Variants in TRIM37 observed in about 807,000 individuals in gnomAD.
TRIM37 encodes E3 ubiquitin-protein ligase TRIM37.
Under a neutral mutation model 129.8 loss-of-function variants are expected in TRIM37, and 80 were observed. That is an observed-to-expected ratio of 0.62 (90% CI 0.51 to 0.74). The LOEUF is 0.74. Among genes scored for constraint, TRIM37 ranks in the 30% least tolerant of loss-of-function variants. TRIM37 has a pLI of 0.00. For missense variants in TRIM37, 1,054 were observed against 1,176.5 expected (o/e 0.90, Z 1.52); for synonymous variants, 389 against 387.1 (o/e 1.00, Z -0.06).
rs566268292 is a variant in TRIM37, at chr17:59,082,317, C to A, written c.370-1098G>T. ...TAATAATAATAATTCTCCATCTTCC[C>A]TCTCCCATCTTGGTTTGTCTTAATC... is the stretch of plus-strand genomic sequence containing the variant. On this transcript the variant is annotated intron_variant, in intron 5 of 23. Transcript: ENST00000262294. 3.9e-5 allele frequency among the ~76,000 whole-genome samples: 6 copies of A among 152,182 alleles called. No homozygotes were observed. The South Asian group carries it at 1.2e-3, about 32-fold the overall frequency.
intron 22 of TRIM37, among the ~76,000 whole-genome samples, chr17:59,004,372 A>G (rs2034194863): frequency 6.6e-6 from 1 of 152,134 alleles, no homozygotes. Context: ...AAATATCTCA[A>G]ATCAATAATC....
intron 14 of TRIM37, among the ~76,000 whole-genome samples, chr17:59,050,559 G>A (rs1051501024): frequency 6.6e-6 from 1 of 152,014 alleles, no homozygotes; most frequent in Non-Finnish European, 1.5e-5. Flanking sequence ...ACACATGCTC[G>A]TAGTCCCAGC....
chr17:59,083,853 G>T, intron 5 of TRIM37, 149 bp downstream of exon 5: 1 of 696,460 alleles, frequency 1.4e-6, no homozygotes, highest in Non-Finnish European at 2.5e-6. Flanking sequence ...TGGAATAAAA[G>T]TACAATACCT....
the TRIM37 span, among the ~76,000 whole-genome samples, chr17:58,970,505 C>G: frequency 6.6e-6 from 1 of 152,144 alleles, no homozygotes; most frequent in African/African-American, 2.4e-5. Flanking sequence ...TGCCCTGTGA[C>G]TTAAACATTA....
At chr17:59,080,220 A>C (rs1449990061) in intron 6 of TRIM37, among the ~76,000 whole-genome samples, 1 of 152,222 alleles carries the variant, frequency 6.6e-6, no homozygotes, top group African/African-American at 2.4e-5. Flanking sequence ...ACAACTTGAA[A>C]CAAAATGTAT....
At chr17:59,055,415 G>C (rs952832075) in intron 13 of TRIM37, among the ~76,000 whole-genome samples, 6 of 151,630 alleles carry the variant, frequency 4.0e-5, no homozygotes, top group African/African-American at 1.5e-4. Context: ...AGCTAAATGG[G>C]CCGGGCGCAG....
chr17:59,105,990 T>C lies in TRIM37; in HGVS notation c.21+451A>G, dbSNP rs1177935417. ...TCTGGAAACTACACATGAGATAATA[T>C]ATGCTGATTCAATCTAGGAAGGAAG... On this transcript the variant is annotated intron_variant, in intron 1 of 23. Transcript: ENST00000262294. Among the ~76,000 whole-genome samples the C allele has an allele frequency of 2.0e-5, 3 of 152,198 alleles. No homozygotes were observed. In the South Asian group the frequency reaches 6.2e-4, roughly 32 times the overall value.
In TRIM37 at chr17:59,070,950, G is replaced by GT; in HGVS notation, c.685-4dup. 6.2e-7 allele frequency: 1 copy of GT among 1,613,088 alleles called. No individual in the cohort carries two copies. ...TCACTCTTACTACAAGACCGCAACT[G>GT]TGTGAGGAAAAAAATTATCTGAACA... On this transcript the variant is annotated splice_polypyrimidine_tract_variant and splice_region_variant and intron_variant, in intron 8 of 23. Coordinates refer to ENST00000262294, the MANE Select transcript of TRIM37 (RefSeq NM_015294.6).
intron 19 of TRIM37, among the ~76,000 whole-genome samples, chr17:59,021,642 T>C (rs2145287594): frequency 6.6e-6 from 1 of 152,004 alleles, no homozygotes; most frequent in Middle Eastern, 3.4e-3. Flanking sequence ...AGTGGGTGGC[T>C]GGGGGGATGG....
intron 6 of TRIM37, among the ~76,000 whole-genome samples, 184 bp downstream of exon 6, chr17:59,080,913 G>T (rs1251685028): frequency 6.6e-6 from 1 of 152,040 alleles, no homozygotes; most frequent in Non-Finnish European, 1.5e-5. Flanking sequence ...TACAAGCCAG[G>T]GGCTTTGTAT....
intron 24 of TRIM37, among the ~76,000 whole-genome samples, chr17:58,985,879 G>A (rs1257530671): frequency 6.6e-6 from 1 of 152,008 alleles, no homozygotes; most frequent in Non-Finnish European, 1.5e-5. Flanking sequence ...AGAAAAAAAA[G>A]GTGAAGTTTT....
intron 2 of TRIM37, among the ~76,000 whole-genome samples, chr17:59,093,782 C>T (rs976735891): frequency 6.6e-6 from 1 of 152,230 alleles, no homozygotes; most frequent in African/African-American, 2.4e-5. Context: ...TATCCCGTCT[C>T]ATAGAAATGT....
Position 59,106,765 on chromosome 17 carries a change from C to T in TRIM37, c.-304G>A. 1 of 557,426 alleles carries T rather than the reference C, an allele frequency of 1.8e-6. No individual in the cohort carries two copies. The highest frequency in any genetic ancestry group is 3.1e-5 in the Admixed American group (1 of 31,826). The allele number at this position is 557,426 out of a possible 1,614,324, so 34.5% of individuals were successfully genotyped here. On this transcript the variant is annotated 5_prime_UTR_variant, in exon 1 of 24. Coordinates refer to ENST00000262294, the MANE Select transcript of TRIM37 (RefSeq NM_015294.6). ...CGCGCCGGAACCTCGGCCCACGTGA[C>T]GCGGGCGCGCGCCTATGGAACTGAC...
chr17:59,010,925 C>T (rs924554789), intron 22 of TRIM37, among the ~76,000 whole-genome samples: 1 of 151,960 alleles, frequency 6.6e-6, no homozygotes, highest in Non-Finnish European at 1.5e-5. Flanking sequence ...AATCCTAGCA[C>T]TTTGGGAGGC....
At chr17:59,101,689 TATATATAC>T (rs1189407670) in intron 2 of TRIM37, among the ~76,000 whole-genome samples, 10 of 129,926 alleles carry the variant, frequency 7.7e-5, no homozygotes, top group African/African-American at 2.6e-4. Flanking sequence ...TATATATATA[TATATATAC>T]ACACACACAC....
chr17:58,968,329 G>A, the TRIM37 span, among the ~76,000 whole-genome samples: 1 of 152,114 alleles, frequency 6.6e-6, no homozygotes, highest in Non-Finnish European at 1.5e-5. Flanking sequence ...GGAGGCTGAG[G>A]CGGGATGATC....
chr17:59,003,595 A>G (rs566900269), intron 22 of TRIM37, among the ~76,000 whole-genome samples: 1 of 151,434 alleles, frequency 6.6e-6, no homozygotes, highest in East Asian at 1.9e-4. Context: ...TGAAGACTGA[A>G]TTTGAATGAC....
downstream of TRIM37, among the ~76,000 whole-genome samples, chr17:58,993,544 C>CT (rs2032663610): frequency 1.3e-5 from 2 of 152,166 alleles, no homozygotes; most frequent in African/African-American, 4.8e-5. Context: ...AACTGTGATC[C>CT]CGTTTACATG....
Position 58,998,482 on chromosome 17 carries a change from T to C in TRIM37, c.*895A>G. On this transcript the variant is annotated 3_prime_UTR_variant, in exon 24 of 24. Coordinates refer to ENST00000262294, the MANE Select transcript of TRIM37 (RefSeq NM_015294.6). ...TTTGGCAACTGTTTTGGGCTAATTA[T>C]GAGTATGAAAGAAAACCTTATATCA... The C allele has an allele frequency of 4.1e-6, 4 of 985,418 alleles. No individual in the cohort carries two copies. The highest frequency in any genetic ancestry group is 4.8e-6 in the Non-Finnish European group (4 of 829,934). The allele number at this position is 985,418 out of a possible 1,614,324, so 61.0% of individuals were successfully genotyped here. A position where few individuals can be genotyped will look rare whatever the true frequency, so the allele number is the denominator to read the frequency against.
Sources: allele counts gnomAD v4.1 joint callset (sites outside exome capture counted in the v4.1 genomes callset), GRCh38; gene constraint gnomAD v4.1.1; transcripts MANE v1.5; gene names NCBI Gene and HGNC (gene_info 2026-07-23, HGNC 2026-07-21).